The following KNL1 variants were observed in gnomAD, a reference collection of about 807,000 sequenced individuals.
KNL1 encodes outer kinetochore KNL1 complex subunit KNL1.
A neutral mutation model predicts 201.3 loss-of-function variants in KNL1; 66 were observed. The ratio of observed to expected loss-of-function variants is 0.33; its 90% CI spans 0.27 to 0.40. The LOEUF is 0.40. Among genes scored for constraint, KNL1 ranks in the 10% least tolerant of loss-of-function variants. The pLI is 1.00. For missense variants in KNL1, 2,815 were observed against 2,690.5 expected (o/e 1.05, Z -1.02); for synonymous variants, 895 against 899.2 (o/e 1.00, Z 0.08).
At chr15:40,634,825 T>G (rs1447517779) in intron 13 of KNL1, among the ~76,000 whole-genome samples, 1 of 152,152 alleles carries the variant, frequency 6.6e-6, no homozygotes, top group Non-Finnish European at 1.5e-5. Context: ...GAATTGATCC[T>G]TGACAAATTG....
rs1893970734 is a variant in KNL1 at position 40,663,465 on chromosome 15, G to A, written c.*1277G>A. 5.4e-6 allele frequency: 1 copy of A among 186,524 alleles called. No individual in the cohort carries two copies. The highest frequency in any genetic ancestry group is 6.2e-5 in the Admixed American group (1 of 16,070). The allele number at this position is 186,524 out of a possible 1,614,324, so 11.6% of individuals were successfully genotyped here. A position where few individuals can be genotyped will look rare whatever the true frequency, so the allele number is the denominator to read the frequency against. On this transcript the variant is annotated 3_prime_UTR_variant, in exon 26 of 26. Coordinates refer to ENST00000399668, the MANE Select transcript of KNL1 (RefSeq NM_144508.5). The stretch of plus-strand genomic sequence containing the variant: ...TTTTGTGTTTGTGATGTAGTAAGGA[G>A]ATGTACATAGAAATTCATTGAGGTA...
In KNL1 at chr15:40,641,044, T is replaced by C; in HGVS notation, c.5798+17T>C. 6.6e-7 allele frequency: 1 copy of C among 1,524,908 alleles called. No individual in the cohort carries two copies. Among genetic ancestry groups the C allele is most frequent in the African/African-American group, 1.4e-5 (1 of 72,532 alleles). The allele number at this position is 1,524,908 out of a possible 1,614,324, so 94.5% of individuals were successfully genotyped here. On this transcript the variant is annotated intron_variant, in intron 14 of 25. Coordinates refer to ENST00000399668, the MANE Select transcript of KNL1 (RefSeq NM_144508.5). ...GATTGAAGAGTATGAAAGCTTTAAT[T>C]TTTATGTGTGTTTTTTTGAGGGGAG...
At chr15:40,660,970 C>CA (rs945192966) in intron 25 of KNL1, among the ~76,000 whole-genome samples, 2 of 152,186 alleles carry the variant, frequency 1.3e-5, no homozygotes, top group Non-Finnish European at 2.9e-5. Context: ...CAAAACAAAA[C>CA]AGAGTCTGTG....
rs986732906 is a variant in KNL1, at chr15:40,659,367, G to T, written c.6742G>T (p.Ala2248Ser). The change falls in exon 25 of 26, where the codon GCA (alanine) becomes TCA (serine). Residue 2248 changes from alanine to serine, a missense_variant. By Grantham distance (99) the Ala-to-Ser change is moderately conservative (BLOSUM62 1). This residue lies in a region of KNL1 where 334 missense variants were observed against 362.6 expected (regional missense o/e 0.92). Coordinates refer to ENST00000399668, the MANE Select transcript of KNL1 (RefSeq NM_144508.5). ...ELRLLFSSSA[A>S]FAKFEITLFL... ...GAGACTTTTATTCTCTAGCTCCGCAGCATTTGCAAAGTTTGAAATAACTTT... is the reference window on the plus strand; with the variant it reads ...GAGACTTTTATTCTCTAGCTCCGCATCATTTGCAAAGTTTGAAATAACTTT... The T allele has an allele frequency of 1.2e-6, 2 of 1,613,066 alleles. No individual in the cohort carries two copies. Among genetic ancestry groups the T allele is most frequent in the Non-Finnish European group, 1.7e-6 (2 of 1,179,192 alleles).
chr15:40,639,122 GT>G (rs1420651348), intron 13 of KNL1, among the ~76,000 whole-genome samples: 1 of 149,362 alleles, frequency 6.7e-6, no homozygotes, highest in Non-Finnish European at 1.5e-5. Flanking sequence ...AGTACATATA[GT>G]TTTGATTTTT....
chr15:40,619,632 G>A (rs1476716856), intron 9 of KNL1, among the ~76,000 whole-genome samples: 2 of 152,020 alleles, frequency 1.3e-5, no homozygotes, highest in African/African-American at 4.8e-5. Context: ...TTGAACTCCT[G>A]GGCTCAAGGG....
chr15:40,661,497 G>A (rs1050463944), intron 25 of KNL1, among the ~76,000 whole-genome samples: 4 of 151,972 alleles, frequency 2.6e-5, no homozygotes. Flanking sequence ...CTCTGGGGGT[G>A]GGGAAAAATT....
chr15:40,599,963 C>T (rs1342512964), intron 1 of KNL1, among the ~76,000 whole-genome samples: 2 of 151,318 alleles, frequency 1.3e-5, no homozygotes, highest in African/African-American at 4.9e-5. Flanking sequence ...GGCACATTGC[C>T]CCATATCTGC....
At chr15:40,607,238 G>A (rs895273816) in intron 4 of KNL1, among the ~76,000 whole-genome samples, 1 of 152,138 alleles carries the variant, frequency 6.6e-6, no homozygotes, top group Non-Finnish European at 1.5e-5. Context: ...TGCCAACATC[G>A]TAACAAAGTT....
In KNL1 at chr15:40,645,679, T is replaced by G; in HGVS notation, c.5913T>G (p.Leu1971=). The change falls in exon 16 of 26, where the codon CTT becomes CTG. Residue 1971 remains leucine, a synonymous_variant. Coordinates refer to ENST00000399668, the MANE Select transcript of KNL1 (RefSeq NM_144508.5). The stretch of plus-strand genomic sequence containing the variant: ...AGCTGAAGGCCTTTGGAATTTATCT[T>G]AACAAAATAAAGTCATGTTTTACCA... The part of the protein sequence containing the change: ...DKELKAFGIY[L]NKIKSCFTKM... 6.2e-7 allele frequency: 1 copy of G among 1,606,576 alleles called. No homozygotes were observed. The highest frequency in any genetic ancestry group is 1.1e-5 in the South Asian group (1 of 89,566).
At chr15:40,627,973 A>T (rs747917811) in intron 10 of KNL1, 97 bp from the exon 11 acceptor site, 72 of 776,220 alleles carry the variant, frequency 9.3e-5, no homozygotes, top group Non-Finnish European at 1.3e-4. Context: ...TGAATTATAG[A>T]TTAATTGTAT....
At position 40,657,340 on chromosome 15, in the gene KNL1, T is replaced by C. The variant is rs757014730; in HGVS notation, c.6595-15T>C. ...TTTCATAATTTCACTGGATTTTTTTTCCCACTTTTTCTAGATGCTTGAAGA... is the reference window on the plus strand; with the variant it reads ...TTTCATAATTTCACTGGATTTTTTTCCCCACTTTTTCTAGATGCTTGAAGA... On this transcript the variant is annotated splice_polypyrimidine_tract_variant and intron_variant, in intron 23 of 25. Coordinates refer to ENST00000399668, the MANE Select transcript of KNL1 (RefSeq NM_144508.5). 22 of 1,479,298 alleles carry C rather than the reference T, an allele frequency of 1.5e-5. No individual in the cohort carries two copies. In the African/African-American group the frequency reaches 2.4e-4, roughly 16 times the overall value. The allele number at this position is 1,479,298 out of a possible 1,614,324, so 91.6% of individuals were successfully genotyped here.
chr15:40,610,221 A>G, intron 5 of KNL1, 24 bp from the exon 6 acceptor site: 1 of 1,324,464 alleles, frequency 7.6e-7, no homozygotes, highest in East Asian at 2.3e-5. Flanking sequence ...GCAGGTTTTC[A>G]ATAATCTTTA....
intron 7 of KNL1, 93 bp from the exon 8 acceptor site, chr15:40,615,248 A>T: frequency 2.5e-6 from 1 of 405,560 alleles, no homozygotes; most frequent in South Asian, 2.4e-5. Context: ...ATTCTATGAA[A>T]GTCTTTCACC....
chr15:40,639,307 C>T (rs1236447521), intron 13 of KNL1, among the ~76,000 whole-genome samples: 11 of 149,932 alleles, frequency 7.3e-5, no homozygotes, highest in East Asian at 2.0e-4. Context: ...AAATTTTGGC[C>T]GGGCACGATG....
rs762867597 is a variant in KNL1, at chr15:40,620,883, A to T, written c.619A>T (p.Thr207Ser). ...AGTAAATTTTTCCGTGGATCAAAACACTTCTTCAGAAAATAAAATAGATTT... is the reference window on the plus strand; with the variant it reads ...AGTAAATTTTTCCGTGGATCAAAACTCTTCTTCAGAAAATAAAATAGATTT... ...KEVNFSVDQN[T>S]SSENKIDFND... Residue 207 changes from threonine to serine, a missense_variant, in exon 10 of 26, where the codon ACT becomes TCT. Physicochemically the swap from Thr to Ser is moderately conservative, Grantham distance 58. Coordinates refer to ENST00000399668, the MANE Select transcript of KNL1 (RefSeq NM_144508.5). 2 of 1,597,734 alleles carry T rather than the reference A, an allele frequency of 1.3e-6. No individual in the cohort carries two copies. The highest frequency in any genetic ancestry group is 1.7e-6 in the Non-Finnish European group (2 of 1,174,972).
chr15:40,610,901 C>T (rs558764843), intron 6 of KNL1: 22 of 446,852 alleles, frequency 4.9e-5, no homozygotes, highest in Non-Finnish European at 9.4e-5. Context: ...AGGCATGCAC[C>T]ACCACACCCA....
chr15:40,621,387 C>A lies in KNL1; in HGVS notation c.1123C>A (p.Leu375Ile), dbSNP rs778289548. The stretch of plus-strand genomic sequence containing the variant: ...TAAACAAAATACTGCTTTTCAAGAC[C>A]TTTCCATAAACTCTGCAGACAAAAT... ...KSKQNTAFQD[L>I]SINSADKIHI... Residue 375 changes from leucine to isoleucine, a missense_variant, in exon 10 of 26, where the codon CTT becomes ATT. By Grantham distance (5) the Leu-to-Ile change is conservative. Around this residue, in one of 3 missense-constraint regions of KNL1, gnomAD observed 2,464 missense variants for 2,291.7 expected, o/e 1.08. Transcript: ENST00000399668. 2.5e-6 allele frequency: 4 copies of A among 1,611,238 alleles called. No individual in the cohort carries two copies. Among genetic ancestry groups the A allele is most frequent in the Non-Finnish European group, 3.4e-6 (4 of 1,178,476 alleles).
chr15:40,650,516 T>C, intron 18 of KNL1, 28 bp from the exon 19 acceptor site: 2 of 1,505,804 alleles, frequency 1.3e-6, no homozygotes, highest in Non-Finnish European at 8.9e-7. Context: ...ATGTTTGTTC[T>C]GTTTTTTTTT....
Sources: allele counts gnomAD v4.1 joint callset (sites outside exome capture counted in the v4.1 genomes callset), GRCh38; gene constraint gnomAD v4.1.1; regional missense constraint gnomAD v4.1.1; transcripts MANE v1.5; gene names NCBI Gene and HGNC (gene_info 2026-07-23, HGNC 2026-07-21).